Variants in UBE2L3 observed in about 807,000 individuals in gnomAD.
UBE2L3 encodes ubiquitin-conjugating enzyme E2 L3.
A neutral mutation model predicts 17.8 loss-of-function variants in UBE2L3; 1 was observed. The ratio of observed to expected loss-of-function variants is 0.06; its 90% CI spans 0.02 to 0.27. The LOEUF (loss-of-function observed/expected upper bound fraction) is 0.27, where lower values mean the gene tolerates loss of function less well. UBE2L3 is among the 10% of genes least tolerant of loss of function. The probability of loss-of-function intolerance (pLI) is 1.00; values close to 1 mark genes in which losing one functional copy is unlikely to be tolerated. For missense variants in UBE2L3, 40 were observed against 192.6 expected, an observed-to-expected ratio of 0.21 and a Z score of 4.69; for synonymous variants, 44 against 68.5, an observed-to-expected ratio of 0.64 and a Z score of 1.76.
chr22:21,563,421 G>A (rs1185337967), upstream of UBE2L3, among the ~76,000 whole-genome samples: 2 of 145,130 alleles, frequency 1.4e-5, no homozygotes, highest in African/African-American at 5.1e-5. Flanking sequence ...AATTAGCCAG[G>A]CGTGGTGGCG....
intron 1 of UBE2L3, chr22:21,568,491 G>T (rs1054914567): frequency 2.1e-6 from 2 of 945,390 alleles, no homozygotes; most frequent in African/African-American, 3.6e-5. Flanking sequence ...TGCCATTTTT[G>T]GGGGGATAAC....
At chr22:21,568,062 C>T in intron 1 of UBE2L3, 17 of 1,264,694 alleles carry the variant, frequency 1.3e-5, no homozygotes, top group African/African-American at 4.7e-5. Flanking sequence ...GTCGCGGAGG[C>T]CGCGGTCCGA....
intron 3 of UBE2L3, chr22:21,614,504 C>CTTTGTCTCCAGAGCACCTGCTCATGATT (rs1929664360): frequency 2.5e-6 from 3 of 1,206,604 alleles, no homozygotes; most frequent in Admixed American, 3.9e-5. Context: ...AGCGCTCTTC[C>CTTTGTCTCCAGAGCACCTGCTCATGATT]TTTGTCTCCA....
chr22:21,564,319 T>A (rs1926559051), upstream of UBE2L3, among the ~76,000 whole-genome samples: 1 of 152,068 alleles, frequency 6.6e-6, no homozygotes, highest in Non-Finnish European at 1.5e-5. Flanking sequence ...CAGGCATGAG[T>A]CACCACAAGG....
intron 1 of UBE2L3, among the ~76,000 whole-genome samples, chr22:21,581,961 A>AC (rs1004961163): frequency 6.6e-6 from 1 of 150,662 alleles, no homozygotes; most frequent in African/African-American, 2.4e-5. Context: ...AAAAAAAAAA[A>AC]CAAAAATAAT....
At chr22:21,606,330 T>G (rs1020271981) in intron 2 of UBE2L3, among the ~76,000 whole-genome samples, 15 of 151,452 alleles carry the variant, frequency 9.9e-5, no homozygotes, top group African/African-American at 2.4e-4. Context: ...TGTGTGTGTG[T>G]GGTGTGTGTG....
At position 21,600,635 on chromosome 22, in the gene UBE2L3, G is replaced by T. The variant is rs557604111; in HGVS notation, c.123+7679G>T. Among the ~76,000 whole-genome samples, 178 of 152,244 alleles carry T rather than the reference G, an allele frequency of 1.2e-3. 1 individual carries two copies. The highest frequency in any genetic ancestry group is 3.9e-3 in the African/African-American group (163 of 41,548). On this transcript the variant is annotated intron_variant, in intron 2 of 3. Coordinates refer to ENST00000342192, the MANE Select transcript of UBE2L3 (RefSeq NM_003347.4). ...TACTTGAACCCAGGAGGCGGAGGCCGCAGTGAGCCAAGATCGCGCCACTGC... is the reference window on the plus strand; with the variant it reads ...TACTTGAACCCAGGAGGCGGAGGCCTCAGTGAGCCAAGATCGCGCCACTGC...
At chr22:21,594,040 T>C (rs1928400097) in intron 2 of UBE2L3, among the ~76,000 whole-genome samples, 1 of 152,200 alleles carries the variant, frequency 6.6e-6, no homozygotes, top group Non-Finnish European at 1.5e-5. Flanking sequence ...CGGCCTCACT[T>C]GGTCATTGTG....
intron 3 of UBE2L3, among the ~76,000 whole-genome samples, chr22:21,612,648 T>C (rs557562029): frequency 0.011 from 1,098 of 95,872 alleles, 18 homozygotes; most frequent in African/African-American, 0.056. Context: ...CTTTTCTTTT[T>C]TTTTTTTTTT....
At chr22:21,583,040 C>T (rs1927732654) in intron 1 of UBE2L3, among the ~76,000 whole-genome samples, 1 of 152,218 alleles carries the variant, frequency 6.6e-6, no homozygotes, top group Admixed American at 6.5e-5. Context: ...CCCCCAGGGG[C>T]TTGGCCATGC....
upstream of UBE2L3, among the ~76,000 whole-genome samples, chr22:21,564,904 C>G (rs772047170): frequency 7.2e-5 from 11 of 152,108 alleles, no homozygotes; most frequent in Non-Finnish European, 1.0e-4. Flanking sequence ...CCCTAGAGAT[C>G]TGATGGGGTC....
chr22:21,592,828 T>C, intron 1 of UBE2L3, 33 bp from the exon 2 acceptor site: 2 of 1,549,470 alleles, frequency 1.3e-6, no homozygotes, highest in Non-Finnish European at 8.9e-7. Context: ...CTTTCCCCTA[T>C]TTGACACCCC....
intron 2 of UBE2L3, among the ~76,000 whole-genome samples, chr22:21,603,724 T>C (rs1287092000): frequency 6.6e-6 from 1 of 150,716 alleles, no homozygotes; most frequent in Non-Finnish European, 1.5e-5. Flanking sequence ...GTGCCTGTAG[T>C]CCTAGCTACT....
chr22:21,612,572 G>A (rs958752081), intron 3 of UBE2L3, among the ~76,000 whole-genome samples: 5 of 145,112 alleles, frequency 3.4e-5, no homozygotes, highest in East Asian at 4.0e-4. Context: ...TGATCCGCCC[G>A]CCTCGGCCTC....
intron 1 of UBE2L3, among the ~76,000 whole-genome samples, chr22:21,571,601 C>G (rs748407741): frequency 1.3e-5 from 2 of 152,118 alleles, no homozygotes; most frequent in Non-Finnish European, 2.9e-5. Flanking sequence ...GAGGTTTCAC[C>G]ATGTTTGCCA....
At chr22:21,601,128 G>A (rs1465186816) in intron 2 of UBE2L3, among the ~76,000 whole-genome samples, 2 of 151,974 alleles carry the variant, frequency 1.3e-5, no homozygotes, top group African/African-American at 2.4e-5. Flanking sequence ...CTGAGATCGC[G>A]TCATTGCACT....
At chr22:21,568,427 G>A in intron 1 of UBE2L3, 2 of 985,386 alleles carry the variant, frequency 2.0e-6, no homozygotes, top group Non-Finnish European at 2.4e-6. Flanking sequence ...TCGCGGCGCG[G>A]TTCTGCTTCC....
chr22:21,607,336 ATC>A (rs1929231214), intron 2 of UBE2L3, among the ~76,000 whole-genome samples: 2 of 150,808 alleles, frequency 1.3e-5, no homozygotes, highest in African/African-American at 4.9e-5. Flanking sequence ...GTGAAACCCC[ATC>A]TCTACTAAAA....
At chr22:21,606,524 TC>T (rs1055059323) in intron 2 of UBE2L3, among the ~76,000 whole-genome samples, 2 of 152,004 alleles carry the variant, frequency 1.3e-5, no homozygotes, top group Non-Finnish European at 2.9e-5. Context: ...TTTACTTACT[TC>T]CCCCCACCAC....
Sources: allele counts gnomAD v4.1 joint callset (sites outside exome capture counted in the v4.1 genomes callset), GRCh38; gene constraint gnomAD v4.1.1; transcripts MANE v1.5; gene names NCBI Gene and HGNC (gene_info 2026-07-23, HGNC 2026-07-21).